The following ATXN8OS variants were observed in gnomAD, a reference collection of about 807,000 sequenced individuals.
The protein encoded by ATXN8OS is ATXN8 opposite strand lncRNA, also known as ATXN8 opposite strand (non-protein coding).
chr13:70,107,848 C>T (rs544464374), exon 1 of ATXN8OS: 5 of 619,344 alleles, frequency 8.1e-6, no homozygotes, highest in Non-Finnish European at 1.3e-5. Context: ...GTGGGCTGCG[C>T]GCTCTGCCAG....
chr13:70,134,170 C>G (rs12855827), intron 3 of ATXN8OS, among the ~76,000 whole-genome samples: 29,415 of 152,116 alleles, frequency 0.19, 3,598 homozygotes, highest in South Asian at 0.38. Context: ...AGGTAAATAA[C>G]AGGTACCTGT....
At chr13:70,111,378 T>C (rs1395736761) in intron 1 of ATXN8OS, among the ~76,000 whole-genome samples, 1 of 152,202 alleles carries the variant, frequency 6.6e-6, no homozygotes, top group Non-Finnish European at 1.5e-5. Context: ...AGAGGCTGCA[T>C]CTGGTGAAGG....
intron 3 of ATXN8OS, among the ~76,000 whole-genome samples, chr13:70,141,591 T>C (rs1240837009): frequency 6.6e-6 from 1 of 152,108 alleles, no homozygotes; most frequent in East Asian, 1.9e-4. Flanking sequence ...TACAAATATG[T>C]GTGTATATAT....
chr13:70,127,631 C>T (rs1316534695), intron 2 of ATXN8OS, among the ~76,000 whole-genome samples: 1 of 151,648 alleles, frequency 6.6e-6, no homozygotes, highest in East Asian at 1.9e-4. Context: ...CACGTACTTT[C>T]ACCAGATATC....
intron 4 of ATXN8OS, among the ~76,000 whole-genome samples, chr13:70,164,896 G>A (rs576283668): frequency 1.3e-5 from 2 of 152,042 alleles, no homozygotes; most frequent in East Asian, 1.9e-4. Context: ...TTCTAAAAAT[G>A]TTGCACAGAA....
intron 3 of ATXN8OS, among the ~76,000 whole-genome samples, chr13:70,144,193 T>A (rs1284638266): frequency 6.6e-6 from 1 of 152,136 alleles, no homozygotes; most frequent in Non-Finnish European, 1.5e-5. Context: ...CATCCCATTA[T>A]CAAAATGGCT....
chr13:70,164,974 C>A (rs1889061982), intron 4 of ATXN8OS, among the ~76,000 whole-genome samples: 1 of 151,916 alleles, frequency 6.6e-6, no homozygotes, highest in South Asian at 2.1e-4. Flanking sequence ...AGAAAAGTGA[C>A]ACTCTAAAGG....
exon 5 of ATXN8OS, among the ~76,000 whole-genome samples, chr13:70,171,685 C>G (rs145374545): frequency 3.6e-4 from 55 of 152,122 alleles, no homozygotes; most frequent in African/African-American, 1.3e-3. Context: ...TATTTATTAA[C>G]TTTCATTGAC....
chr13:70,113,810 T>C (rs1253768067), intron 1 of ATXN8OS, among the ~76,000 whole-genome samples: 1 of 152,198 alleles, frequency 6.6e-6, no homozygotes, highest in Non-Finnish European at 1.5e-5. Flanking sequence ...CCTGCATTAT[T>C]ACCAGATCTT....
At chr13:70,147,467 T>G (rs957293157) in intron 4 of ATXN8OS, among the ~76,000 whole-genome samples, 2 of 152,144 alleles carry the variant, frequency 1.3e-5, no homozygotes, top group African/African-American at 4.8e-5. Context: ...TATGTTACTC[T>G]CTTCAGTGTT....
intron 4 of ATXN8OS, among the ~76,000 whole-genome samples, chr13:70,163,571 G>A (rs1347569103): frequency 6.6e-6 from 1 of 151,758 alleles, no homozygotes; most frequent in Non-Finnish European, 1.5e-5. Flanking sequence ...ATTTCAAAGG[G>A]ACTTACAAAA....
At chr13:70,118,433 C>G (rs959946423) in intron 2 of ATXN8OS, among the ~76,000 whole-genome samples, 1 of 151,818 alleles carries the variant, frequency 6.6e-6, no homozygotes, top group African/African-American at 2.4e-5. Flanking sequence ...AGATATAATG[C>G]ATTATAAAGC....
At chr13:70,152,392 C>T (rs559192459) in intron 4 of ATXN8OS, among the ~76,000 whole-genome samples, 1 of 151,698 alleles carries the variant, frequency 6.6e-6, no homozygotes, top group Non-Finnish European at 1.5e-5. Flanking sequence ...CATATATATA[C>T]ACATATATAC....
rs373874837 is a variant in ATXN8OS at position 70,166,011 on chromosome 13, C to T, written n.574-3742C>T. Among the ~76,000 whole-genome samples the T allele has an allele frequency of 5.3e-5, 8 of 152,088 alleles. 1 individual carries two copies. The highest frequency in any genetic ancestry group is 2.1e-4 in the South Asian group (1 of 4,820). ...CCTTTGATTGTTGATATATTTCATT[C>T]TCTATTTCAACTTTATGTCTTTGCA... On this transcript the variant is annotated intron_variant and non_coding_transcript_variant, in intron 4 of 4. Coordinates refer to ENST00000678624, the Ensembl canonical transcript of ATXN8OS.
At chr13:70,141,124 G>A (rs1378362286) in intron 3 of ATXN8OS, among the ~76,000 whole-genome samples, 1 of 152,106 alleles carries the variant, frequency 6.6e-6, no homozygotes, top group African/African-American at 2.4e-5. Context: ...CATCCTCAAG[G>A]CTTCCCTAGT....
intron 3 of ATXN8OS, chr13:70,131,553 T>C (rs1888533572): frequency 5.0e-6 from 2 of 398,282 alleles, no homozygotes; most frequent in Admixed American, 4.4e-5. Context: ...TCAATGCCTT[T>C]GGACTGCTTC....
rs559514919 is a variant in ATXN8OS, at chr13:70,145,031, G to A, written n.500-2324G>A. 7.9e-5 allele frequency among the ~76,000 whole-genome samples: 12 copies of A among 152,148 alleles called. No individual in the cohort carries two copies. The East Asian group carries it at 2.3e-3, about 29-fold the overall frequency. On this transcript the variant is annotated intron_variant and non_coding_transcript_variant, in intron 3 of 4. Transcript: ENST00000678624. ...CCATCTTGAATTAATTTTTGTATAAGGTGTAAGGAAGGGATCCAGTTTCAG... is the reference window on the plus strand; with the variant it reads ...CCATCTTGAATTAATTTTTGTATAAAGTGTAAGGAAGGGATCCAGTTTCAG...
intron 2 of ATXN8OS, among the ~76,000 whole-genome samples, chr13:70,129,464 C>G (rs919121276): frequency 5.3e-5 from 8 of 151,850 alleles, no homozygotes; most frequent in Admixed American, 4.6e-4. Flanking sequence ...TGGATACACT[C>G]AGGCTTTCTT....
At chr13:70,108,907 A>G (rs1888151822) in intron 1 of ATXN8OS, among the ~76,000 whole-genome samples, 2 of 152,194 alleles carry the variant, frequency 1.3e-5, no homozygotes, top group Non-Finnish European at 2.9e-5. Context: ...TCTGCTATTA[A>G]GGCACCCAGG....
Sources: allele counts gnomAD v4.1 joint callset (sites outside exome capture counted in the v4.1 genomes callset), GRCh38; gene constraint gnomAD v4.1.1; transcripts MANE v1.5; gene names NCBI Gene and HGNC (gene_info 2026-07-23, HGNC 2026-07-21).